Variants in PYROXD2 observed in about 807,000 individuals in gnomAD.
The protein encoded by PYROXD2 is pyridine nucleotide-disulphide oxidoreductase domain 2.
PYROXD2 carries 69 observed loss-of-function variants against 71.1 expected under a neutral mutation model. The ratio of observed to expected loss-of-function variants is 0.97; its 90% CI spans 0.80 to 1.19. PYROXD2 has a LOEUF of 1.19. Ranked by LOEUF, PYROXD2 falls within the 50% of genes most tolerant of loss-of-function variation. The pLI is 0.00. For synonymous variants in PYROXD2, 287 were observed against 302.7 expected, an observed-to-expected ratio of 0.95 and a Z score of 0.54; for missense variants, 745 against 748.9, an observed-to-expected ratio of 0.99 and a Z score of 0.06.
At chr10:98,397,854 G>GT (rs1419559358) in intron 5 of PYROXD2, among the ~76,000 whole-genome samples, 1 of 149,040 alleles carries the variant, frequency 6.7e-6, no homozygotes, top group African/African-American at 2.5e-5. Flanking sequence ...CCACTTAGAA[G>GT]TTTCTTCCTT....
At chr10:98,403,162 C>T (rs1488668767) in intron 4 of PYROXD2, among the ~76,000 whole-genome samples, 1 of 152,224 alleles carries the variant, frequency 6.6e-6, no homozygotes, top group African/African-American at 2.4e-5. Flanking sequence ...TGGGGTCCCT[C>T]CTATCCCTAA....
At chr10:98,390,777 C>A in intron 11 of PYROXD2, 23 bp from the exon 12 acceptor site, 1 of 1,555,656 alleles carries the variant, frequency 6.4e-7, no homozygotes, top group South Asian at 1.2e-5. Flanking sequence ...AGAGGAGGGT[C>A]AGGTCTTAGC....
chr10:98,414,405 GT>G (rs1418920215), intron 1 of PYROXD2: 1 of 128,406 alleles, frequency 7.8e-6, no homozygotes, highest in African/African-American at 3.4e-5. Flanking sequence ...TTGGCAAAGT[GT>G]GGCAGATCAC....
At chr10:98,388,258 G>T in intron 13 of PYROXD2, 96 bp downstream of exon 13, 1 of 1,272,172 alleles carries the variant, frequency 7.9e-7, no homozygotes, top group Non-Finnish European at 1.1e-6. Flanking sequence ...GGCACCTGCA[G>T]TTGTCAATCC....
Position 98,395,275 on chromosome 10 carries a change from C to G in PYROXD2, c.706G>C (p.Glu236Gln). The change falls in exon 8 of 16, where the codon GAG becomes CAG. Residue 236 changes from glutamate (E) to glutamine (Q), a missense_variant. Transcript: ENST00000370575. ...AGAGTGGCTTTTAAAGGCTCAGACT[C>G]GAACCACTGATCCAGCACCTGGACA... ...PITKVLDQWFESEPLKATLAT... is the reference protein window; with the variant it reads ...PITKVLDQWFQSEPLKATLAT... The G allele has an allele frequency of 6.2e-7, 1 of 1,614,156 alleles. No individual in the cohort carries two copies. Among genetic ancestry groups the G allele is most frequent in the Non-Finnish European group, 8.5e-7 (1 of 1,180,032 alleles).
intron 2 of PYROXD2, among the ~76,000 whole-genome samples, chr10:98,409,608 C>T (rs1406730515): frequency 1.3e-5 from 2 of 152,140 alleles, no homozygotes; most frequent in African/African-American, 2.4e-5. Context: ...GTAATAACAG[C>T]CACCATTTGG....
At chr10:98,388,681 G>C (rs1307075365) in intron 12 of PYROXD2, among the ~76,000 whole-genome samples, 173 bp from the exon 13 acceptor site, 8 of 151,616 alleles carry the variant, frequency 5.3e-5, no homozygotes, top group African/African-American at 9.7e-5. Flanking sequence ...TGCTAGCGTG[G>C]TCCAGAGCAC....
At position 98,397,402 on chromosome 10, in the gene PYROXD2, C is replaced by G; in HGVS notation, c.568G>C (p.Gly190Arg). Residue 190 changes from glycine (G) to arginine (R), a missense_variant, in exon 6 of 16, where the codon GGC (glycine) becomes CGC (arginine). Physicochemically the swap from Gly to Arg is moderately radical, Grantham distance 125 (BLOSUM62 -2). Coordinates refer to ENST00000370575, the MANE Select transcript of PYROXD2 (RefSeq NM_032709.3). ...GACCTCATCCTTTGCAGCAAGGAGC[C>G]ATGCTGGAAGGCCGCCATGTCCACG... is the stretch of plus-strand genomic sequence containing the variant. ...APVDMAAFQH[G>R]SLLQRMRSLS... 1 of 1,613,348 alleles carries G rather than the reference C, an allele frequency of 6.2e-7. No homozygotes were observed.
rs1475158425 is a variant in PYROXD2 at position 98,392,300 on chromosome 10, C to G, written c.1062+132G>C. 24 of 1,453,144 alleles carry G rather than the reference C, an allele frequency of 1.7e-5. No individual in the cohort carries two copies. The Admixed American group carries it at 5.1e-4, about 31-fold the overall frequency. The allele number at this position is 1,453,144 out of a possible 1,614,324, so 90.0% of individuals were successfully genotyped here. On this transcript the variant is annotated intron_variant, in intron 10 of 15. Coordinates refer to ENST00000370575, the MANE Select transcript of PYROXD2 (RefSeq NM_032709.3). ...CCGTTTGCTACCTGCCCTTACCCCC[C>G]TGTTTCCCAAATGCAGAGACTTGGC...
Position 98,390,997 on chromosome 10 carries a change from G to T in PYROXD2, c.1135+13C>A. ...TCAAAGGAGACAGTGCTGCAATGTG[G>T]TGTGCCTCTTACCATTGATCTTGGT... On this transcript the variant is annotated intron_variant, in intron 11 of 15. Transcript: ENST00000370575. 6.3e-7 allele frequency: 1 copy of T among 1,599,210 alleles called. No homozygotes were observed. The highest frequency in any genetic ancestry group is 8.6e-7 in the Non-Finnish European group (1 of 1,166,562).
At chr10:98,412,048 G>A (rs939553528) in intron 1 of PYROXD2, among the ~76,000 whole-genome samples, 3 of 152,374 alleles carry the variant, frequency 2.0e-5, no homozygotes, top group Non-Finnish European at 4.4e-5. Context: ...TGACCTCAGA[G>A]AGTCATCAGC....
At chr10:98,397,941 G>C (rs1334909970) in intron 5 of PYROXD2, among the ~76,000 whole-genome samples, 1 of 141,964 alleles carries the variant, frequency 7.0e-6, no homozygotes, top group Non-Finnish European at 1.5e-5. Flanking sequence ...GGAGGGCAGT[G>C]GTGCGATGTC....
chr10:98,390,949 T>C lies in PYROXD2; in HGVS notation c.1135+61A>G, dbSNP rs144986914. 1.1e-3 allele frequency: 1,510 copies of C among 1,432,082 alleles called. 13 individuals are homozygous for C. The Middle Eastern group carries it at 0.014, about 13-fold the overall frequency. 88.7% of individuals were successfully genotyped at this position (1,432,082 alleles called of 1,614,324 possible). ...TGACTGAGTTCAGCTGCCCCCAGCC[T>C]GGAGGTTTCTCACTCAGATGGGTCA... is the stretch of plus-strand genomic sequence containing the variant. On this transcript the variant is annotated intron_variant, in intron 11 of 15. Coordinates refer to ENST00000370575, the MANE Select transcript of PYROXD2 (RefSeq NM_032709.3).
In PYROXD2 at chr10:98,410,261, T is replaced by G. The variant is rs184796846; in HGVS notation, c.147+678A>C. Among the ~76,000 whole-genome samples, 188 of 152,354 alleles carry G rather than the reference T, an allele frequency of 1.2e-3. 1 individual carries two copies. The highest frequency in any genetic ancestry group is 4.3e-3 in the African/African-American group (180 of 41,578). On this transcript the variant is annotated intron_variant, in intron 2 of 15. Transcript: ENST00000370575. Reference sequence around the variant, plus strand: ...TATATTGATGTTCTAGAGCTGCTGCTGCTTCAAGAAGATGTTCCACATTTG... The same window carrying G: ...TATATTGATGTTCTAGAGCTGCTGCGGCTTCAAGAAGATGTTCCACATTTG...
chr10:98,397,447 G>A lies in PYROXD2; in HGVS notation c.523C>T (p.Pro175Ser). 2 of 1,613,208 alleles carry A rather than the reference G, an allele frequency of 1.2e-6. No homozygotes were observed. Among genetic ancestry groups the A allele is most frequent in the Non-Finnish European group, 1.7e-6 (2 of 1,179,456 alleles). The change falls in exon 6 of 16, where the codon CCT (proline) becomes TCT (serine). Residue 175 changes from proline (P) to serine (S), a missense_variant. Pro to Ser is a moderately conservative substitution (Grantham distance 74). Transcript: ENST00000370575. ...FMHRLALAID[P>S]LLDAAPVDMA... ...TCCACGGGGGCCGCATCCAGCAGAGGGTCAATGGCTAATGCCAAGCGATGC... is the reference window on the plus strand; with the variant it reads ...TCCACGGGGGCCGCATCCAGCAGAGAGTCAATGGCTAATGCCAAGCGATGC...
intron 4 of PYROXD2, among the ~76,000 whole-genome samples, chr10:98,400,575 C>T (rs1843362024): frequency 6.6e-6 from 1 of 152,008 alleles, no homozygotes; most frequent in South Asian, 2.1e-4. Flanking sequence ...TCACACCACA[C>T]ACACCATGTC....
chr10:98,397,579 C>A (rs1035063838), intron 5 of PYROXD2, 81 bp from the exon 6 acceptor site: 20 of 1,448,288 alleles, frequency 1.4e-5, no homozygotes, highest in East Asian at 2.5e-5. Context: ...GTCACCCCCC[C>A]ACAGCTTGAC....
rs1268768334 is a variant in PYROXD2 at position 98,392,998 on chromosome 10, A to T, written c.871T>A (p.Ser291Thr). The T allele has an allele frequency of 1.2e-6, 2 of 1,613,600 alleles. No individual in the cohort carries two copies. The highest frequency in any genetic ancestry group is 1.7e-6 in the Non-Finnish European group (2 of 1,179,630). The change falls in exon 9 of 16, where the codon TCT (serine) becomes ACT (threonine). Residue 291 changes from serine (S) to threonine (T), a missense_variant. Ser to Thr is a moderately conservative substitution (Grantham distance 58, BLOSUM62 1). Transcript: ENST00000370575. ...GTGGCTGAGCTTGCGATCGCATCAG[A>T]GAGGGCACCCATGCCCCCCTGGACG... is the stretch of plus-strand genomic sequence containing the variant. ...GYVQGGMGAL[S>T]DAIASSATTH...
chr10:98,412,251 T>C (rs761805546), intron 1 of PYROXD2, among the ~76,000 whole-genome samples: 2 of 152,188 alleles, frequency 1.3e-5, no homozygotes, highest in Non-Finnish European at 2.9e-5. Flanking sequence ...AGGTCAAGGA[T>C]CCAAAGCACA....
Sources: gnomAD v4.1 joint callset for allele counts (sites outside exome capture counted in the v4.1 genomes callset) on GRCh38, gnomAD v4.1.1 for gene constraint, MANE v1.5 for transcripts, NCBI Gene and HGNC (gene_info 2026-07-23, HGNC 2026-07-21) for gene names.